Variants in DNAH1 observed in about 807,000 individuals in gnomAD.
DNAH1 encodes the protein dynein axonemal heavy chain 1.
DNAH1 carries 327 observed loss-of-function variants against 484.3 expected under a neutral mutation model. The ratio of observed to expected loss-of-function variants is 0.68; its 90% CI spans 0.62 to 0.74. The LOEUF (loss-of-function observed/expected upper bound fraction) is 0.74, where lower values mean the gene tolerates loss of function less well. DNAH1 is among the 30% of genes least tolerant of loss of function. The probability of loss-of-function intolerance (pLI) is 0.00; values close to 1 mark genes in which losing one functional copy is unlikely to be tolerated. For synonymous variants in DNAH1, 2,192 were observed against 2,191.9 expected, an observed-to-expected ratio of 1.00 and a Z score of 0.00; for missense variants, 5,052 against 5,546.8, an observed-to-expected ratio of 0.91 and a Z score of 2.83.
chr3:52,385,123 G>C, intron 53 of DNAH1, 146 bp downstream of exon 53: 1 of 1,150,726 alleles, frequency 8.7e-7, no homozygotes, highest in Admixed American at 2.7e-5. Context: ...CTCATCAAAA[G>C]AACAAAAGTT....
At chr3:52,318,390 C>CG (rs1389760805) in intron 1 of DNAH1, among the ~76,000 whole-genome samples, 15 of 152,186 alleles carry the variant, frequency 9.9e-5, no homozygotes, top group African/African-American at 3.6e-4. Flanking sequence ...CCTGTACTTG[C>CG]CAGACCAGTT....
intron 4 of DNAH1, 52 bp from the exon 5 acceptor site, chr3:52,326,683 C>A: frequency 1.3e-6 from 2 of 1,540,838 alleles, no homozygotes; most frequent in Non-Finnish European, 1.8e-6. Flanking sequence ...ACCCATGGAG[C>A]CACCTCACAC....
intron 70 of DNAH1, among the ~76,000 whole-genome samples, chr3:52,396,085 C>T (rs1299001873): frequency 1.3e-5 from 2 of 152,118 alleles, no homozygotes; most frequent in East Asian, 3.8e-4. Flanking sequence ...AGTAACCCGC[C>T]ACTATGCCCA....
In DNAH1 at chr3:52,392,779, AC is replaced by A. The variant is rs1704448316; in HGVS notation, c.10279-46del. The stretch of plus-strand genomic sequence containing the variant: ...TGCCTGCCCTAGGCCTGCCCCCCAA[AC>A]CCCCTACCTTCTGCTCTTTGACCCC... On this transcript the variant is annotated intron_variant, in intron 64 of 77. Coordinates refer to ENST00000420323, the MANE Select transcript of DNAH1 (RefSeq NM_015512.5). The A allele has an allele frequency of 1.9e-5, 23 of 1,180,350 alleles. No individual in the cohort carries two copies. The South Asian group carries it at 2.7e-4, about 14-fold the overall frequency. 73.1% of individuals were successfully genotyped at this position (1,180,350 alleles called of 1,614,324 possible).
At position 52,368,748 on chromosome 3, in the gene DNAH1, G is replaced by A. The variant is rs558171797; in HGVS notation, c.5773G>A (p.Gly1925Arg). The change falls in exon 37 of 78, where the codon GGG (glycine) becomes AGG (arginine). Residue 1925 changes from glycine (G) to arginine (R), a missense_variant. Transcript: ENST00000420323. The surrounding 1 kb of genome is among the most constrained non-coding windows in gnomAD (Gnocchi z 4.4). ...FDLLTHEWTDGIFSSFIRAGA... is the reference protein window; with the variant it reads ...FDLLTHEWTDRIFSSFIRAGA... ...TCCTCCCTGGCGCTGCAGGACAGAC[G>A]GGATATTCTCCTCGTTCATCCGGGC... 6.8e-6 allele frequency: 11 copies of A among 1,613,354 alleles called. No homozygotes were observed. The highest frequency in any genetic ancestry group is 1.7e-4 in the Middle Eastern group (1 of 5,794).
chr3:52,362,528 G>A lies in DNAH1; in HGVS notation c.5094+27G>A, dbSNP rs1465239070. The A allele has an allele frequency of 6.3e-7, 1 of 1,593,808 alleles. No homozygotes were observed. Among genetic ancestry groups the A allele is most frequent in the African/African-American group, 1.3e-5 (1 of 74,672 alleles). ...CAAGTGCAGGCCCAGAGTGGCCCAG[G>A]AAGCACCAGAGCTCTAGCCTGAGTT... On this transcript the variant is annotated intron_variant, in intron 31 of 77. Coordinates refer to ENST00000420323, the MANE Select transcript of DNAH1 (RefSeq NM_015512.5). The surrounding 1 kb of genome is among the most constrained non-coding windows in gnomAD (Gnocchi z 5.1).
intron 6 of DNAH1, among the ~76,000 whole-genome samples, chr3:52,328,261 T>G (rs757039437): frequency 1.3e-5 from 2 of 152,096 alleles, no homozygotes; most frequent in Non-Finnish European, 1.5e-5. Context: ...AATCTTTGAT[T>G]TATTGGTAGT....
In DNAH1 at chr3:52,396,518, T is replaced by C; in HGVS notation, c.11410T>C (p.Phe3804Leu). The change falls in exon 71 of 78, where the codon TTC becomes CTC. Residue 3804 changes from phenylalanine to leucine, a missense_variant. Physicochemically the swap from Phe to Leu is conservative, Grantham distance 22. This residue lies in a region of DNAH1 where 853 missense variants were observed against 899.0 expected (regional missense o/e 0.95). Transcript: ENST00000420323. ...LKSYSSLGED[F>L]LNSCHKVMEF... ...GTCCTATAGTAGCCTTGGTGAAGAC[T>C]TCCTCAACTCCTGCCACAAGGTGAG... 2 of 1,611,820 alleles carry C rather than the reference T, an allele frequency of 1.2e-6. No individual in the cohort carries two copies. Among genetic ancestry groups the C allele is most frequent in the Non-Finnish European group, 8.5e-7 (1 of 1,179,040 alleles).
At chr3:52,369,214 C>T (rs1703213250) in intron 37 of DNAH1, among the ~76,000 whole-genome samples, 1 of 152,334 alleles carries the variant, frequency 6.6e-6, no homozygotes, top group East Asian at 1.9e-4. Flanking sequence ...TCCCACTGCT[C>T]CCCGGCTGAT....
At chr3:52,386,127 G>C (rs755874702) in intron 54 of DNAH1, 33 bp from the exon 55 acceptor site, 43 of 1,591,166 alleles carry the variant, frequency 2.7e-5, no homozygotes, top group African/African-American at 1.9e-4. Flanking sequence ...AAGAGAAAAG[G>C]GGGGAGGACA....
chr3:52,392,384 G>A (rs1704426060), intron 63 of DNAH1, 80 bp from the exon 64 acceptor site: 3 of 1,331,734 alleles, frequency 2.3e-6, no homozygotes, highest in African/African-American at 1.4e-5. Context: ...AGAAGCACAG[G>A]TGGATGGGTG....
rs1702704878 is a variant in DNAH1, at chr3:52,358,354, G to A, written c.4087-204G>A. Among the ~76,000 whole-genome samples, 1 of 152,202 alleles carries A rather than the reference G, an allele frequency of 6.6e-6. No individual in the cohort carries two copies. Among genetic ancestry groups the A allele is most frequent in the African/African-American group, 2.4e-5 (1 of 41,450 alleles). ...CTAAAGCCTGCTTCATGCCGGGCCT[G>A]GGCTGGGGCCTGACCACTGCTGGGG... On this transcript the variant is annotated intron_variant, in intron 24 of 77. Transcript: ENST00000420323. This position sits in a 1 kb window ranked among gnomAD's most constrained non-coding sequence, Gnocchi z 4.2.
intron 37 of DNAH1, among the ~76,000 whole-genome samples, chr3:52,369,585 A>T (rs776076772): frequency 2.6e-5 from 4 of 152,136 alleles, no homozygotes; most frequent in Non-Finnish European, 5.9e-5. Context: ...CTCTGACCCC[A>T]GTCTGGTCAG....
intron 67 of DNAH1, 65 bp from the exon 68 acceptor site, chr3:52,394,850 T>C (rs1704548466): frequency 6.3e-7 from 1 of 1,585,018 alleles, no homozygotes; most frequent in Non-Finnish European, 8.6e-7. Context: ...GCTGGCCGAA[T>C]CCCTGGGGCC....
Position 52,385,446 on chromosome 3 carries a change from AG to A in DNAH1, c.8625+1del. ...KDTMLTMEQI[K>X]VDTAIAEETR... ...ACCATGCTCACCATGGAGCAGATCA[AG>A]GTTGGGGTGCTCCCGAGCCCCTCCC... On this transcript the variant is annotated frameshift_variant and splice_region_variant, in exon 54 of 78. Coordinates refer to ENST00000420323, the MANE Select transcript of DNAH1 (RefSeq NM_015512.5). LOFTEE classifies it high-confidence loss of function. The A allele has an allele frequency of 2.6e-6, 4 of 1,551,552 alleles. No individual in the cohort carries two copies. The highest frequency in any genetic ancestry group is 3.5e-6 in the Non-Finnish European group (4 of 1,146,942).
intron 59 of DNAH1, 62 bp from the exon 60 acceptor site, chr3:52,389,399 G>A (rs1225785544): frequency 1.2e-6 from 2 of 1,603,376 alleles, no homozygotes; most frequent in African/African-American, 2.7e-5. Context: ...GTGGCTTAGT[G>A]GGAGTTGGGA....
chr3:52,348,336 C>T (rs999661914), intron 12 of DNAH1, among the ~76,000 whole-genome samples: 1 of 152,172 alleles, frequency 6.6e-6, no homozygotes, highest in Non-Finnish European at 1.5e-5. Context: ...CCTCTGCTGC[C>T]ACAGCCAGAT....
At position 52,353,715 on chromosome 3, in the gene DNAH1, C is replaced by A; in HGVS notation, c.3480+82C>A. Reference sequence around the variant, plus strand: ...CCTCCTGCTCTGGCAACCACAGCCACTTGGGAGGATGACAGTAATAAGCCC... The same window carrying A: ...CCTCCTGCTCTGGCAACCACAGCCAATTGGGAGGATGACAGTAATAAGCCC... On this transcript the variant is annotated intron_variant, in intron 20 of 77. Coordinates refer to ENST00000420323, the MANE Select transcript of DNAH1 (RefSeq NM_015512.5). The surrounding 1 kb of genome is among the most constrained non-coding windows in gnomAD (Gnocchi z 5.0). The A allele has an allele frequency of 6.5e-7, 1 of 1,530,510 alleles. No homozygotes were observed. Among genetic ancestry groups the A allele is most frequent in the Non-Finnish European group, 8.8e-7 (1 of 1,138,342 alleles). The allele number at this position is 1,530,510 out of a possible 1,614,324, so 94.8% of individuals were successfully genotyped here. A position where few individuals can be genotyped will look rare whatever the true frequency, so the allele number is the denominator to read the frequency against.
chr3:52,349,148 C>T (rs1702265591), intron 13 of DNAH1, 47 bp from the exon 14 acceptor site: 3 of 1,611,746 alleles, frequency 1.9e-6, no homozygotes, highest in African/African-American at 1.3e-5. Context: ...CCCCTGCCCA[C>T]CCTGCTCACC....
Sources: gnomAD v4.1 joint callset for allele counts (sites outside exome capture counted in the v4.1 genomes callset) on GRCh38, gnomAD v4.1.1 for gene constraint, gnomAD v4.1.1 regional missense constraint, Gnocchi (gnomAD v3.1) non-coding constraint, MANE v1.5 for transcripts, NCBI Gene and HGNC (gene_info 2026-07-23, HGNC 2026-07-21) for gene names.